Variants in DOCK1 observed in about 807,000 individuals in gnomAD.
DOCK1 encodes dedicator of cytokinesis protein 1.
Under a neutral mutation model 262.7 loss-of-function variants are expected in DOCK1, and 138 were observed. That is an observed-to-expected ratio of 0.53 (90% CI 0.46 to 0.61). The LOEUF (loss-of-function observed/expected upper bound fraction) is 0.61. Ranked by LOEUF, DOCK1 falls within the 20% of genes least tolerant of loss-of-function variation. The pLI is 0.00. For synonymous variants in DOCK1, 866 were observed against 867.4 expected (o/e 1.00, Z 0.03); for missense variants, 1,908 against 2,370.7 (o/e 0.80, Z 4.05).
intron 27 of DOCK1, among the ~76,000 whole-genome samples, chr10:127,196,770 T>TGCCGCCGGCG (rs1358522099): frequency 3.3e-5 from 5 of 151,434 alleles, no homozygotes; most frequent in Non-Finnish European, 7.4e-5. Context: ...TGCCGCCGGC[T>TGCCGCCGGCG]GCCGCCTGCG....
chr10:126,966,599 A>G (rs1182317730), intron 1 of DOCK1, among the ~76,000 whole-genome samples: 1 of 152,080 alleles, frequency 6.6e-6, no homozygotes, highest in African/African-American at 2.4e-5. Context: ...GGGTGAGATA[A>G]TACCTCATTG....
intron 29 of DOCK1, among the ~76,000 whole-genome samples, chr10:127,261,897 TG>T (rs2060156284): frequency 6.9e-6 from 1 of 144,600 alleles, no homozygotes; most frequent in Admixed American, 6.9e-5. Flanking sequence ...CATCTGTGTG[TG>T]TGCATGTGTG....
chr10:127,185,592 A>G (rs899026882), intron 27 of DOCK1, among the ~76,000 whole-genome samples: 24 of 152,314 alleles, frequency 1.6e-4, no homozygotes, highest in African/African-American at 5.8e-4. Flanking sequence ...TACAATATTA[A>G]TGGCTTCCAA....
At chr10:126,949,416 G>T (rs1312673243) in intron 1 of DOCK1, among the ~76,000 whole-genome samples, 1 of 152,134 alleles carries the variant, frequency 6.6e-6, no homozygotes, top group Admixed American at 6.5e-5. Flanking sequence ...GCCTTTGGCA[G>T]TGAACACACC....
intron 30 of DOCK1, among the ~76,000 whole-genome samples, chr10:127,342,925 T>C (rs2063495237): frequency 6.6e-6 from 1 of 152,172 alleles, no homozygotes; most frequent in Non-Finnish European, 1.5e-5. Flanking sequence ...TATTCTTAAG[T>C]GAGGAGCTTC....
chr10:127,450,006 T>C (rs1359160994), intron 51 of DOCK1, among the ~76,000 whole-genome samples: 1 of 152,200 alleles, frequency 6.6e-6, no homozygotes, highest in Non-Finnish European at 1.5e-5. Flanking sequence ...CTGCTCCTCA[T>C]TGGCCTATCA....
At chr10:127,043,471 C>T (rs761385765) in intron 21 of DOCK1, among the ~76,000 whole-genome samples, 7 of 152,156 alleles carry the variant, frequency 4.6e-5, no homozygotes, top group Admixed American at 1.3e-4. Context: ...TGTCTGACAC[C>T]GCGGCTTCCT....
chr10:127,036,412 C>A (rs554506023), intron 18 of DOCK1, among the ~76,000 whole-genome samples: 1 of 151,850 alleles, frequency 6.6e-6, no homozygotes, highest in African/African-American at 2.4e-5. Flanking sequence ...TAATGGATGT[C>A]TGTATTTCCT....
intron 27 of DOCK1, among the ~76,000 whole-genome samples, chr10:127,134,458 C>T (rs765840532): frequency 2.3e-4 from 35 of 152,142 alleles, no homozygotes; most frequent in Admixed American, 6.5e-4. Flanking sequence ...ATACTTTGAG[C>T]CCCTCCCCAT....
At chr10:127,216,810 T>C (rs1210237494) in intron 27 of DOCK1, among the ~76,000 whole-genome samples, 2 of 152,212 alleles carry the variant, frequency 1.3e-5, no homozygotes, top group African/African-American at 2.4e-5. Context: ...AAATTGCTGA[T>C]TTAATAAACT....
intron 18 of DOCK1, among the ~76,000 whole-genome samples, chr10:127,034,987 A>AG (rs755975831): frequency 9.3e-4 from 141 of 152,084 alleles, no homozygotes; most frequent in Non-Finnish European, 1.5e-3. Context: ...ACTGAGGGAG[A>AG]GGGCACCCTG....
In DOCK1 at chr10:126,999,453, T is replaced by C. The variant is rs2275540; in HGVS notation, c.849+18T>C. 0.21 allele frequency: 343,748 copies of C among 1,604,738 alleles called. 38,128 individuals are homozygous for C. The highest frequency in any genetic ancestry group is 0.34 in the East Asian group (15,181 of 44,792). ...TGTTTACTGTAAGTGCACCCAAAGA[T>C]GCTTAGTTGAATTGGCTACCATTCT... On this transcript the variant is annotated intron_variant, in intron 9 of 51. Transcript: ENST00000623213.
At chr10:127,106,405 A>G (rs2048533604) in intron 24 of DOCK1, 104 bp downstream of exon 24, 1 of 1,204,040 alleles carries the variant, frequency 8.3e-7, no homozygotes, top group Non-Finnish European at 1.2e-6. Context: ...ATGTCTCCAT[A>G]TGTCAGTGCC....
At chr10:126,905,910 C>T (rs1248749202) in intron 1 of DOCK1, among the ~76,000 whole-genome samples, 2 of 152,122 alleles carry the variant, frequency 1.3e-5, no homozygotes, top group African/African-American at 2.4e-5. Context: ...GCCCCGGCCG[C>T]TGCTATCTGC....
chr10:126,968,067 C>T (rs1267390415), intron 1 of DOCK1, among the ~76,000 whole-genome samples: 2 of 152,122 alleles, frequency 1.3e-5, no homozygotes, highest in African/African-American at 2.4e-5. Context: ...CTGCCTGCCT[C>T]AGCCTCCCAA....
chr10:127,017,364 C>CACAGATACAGACACAGACATACAT (rs923581845), intron 12 of DOCK1, among the ~76,000 whole-genome samples: 1 of 151,400 alleles, frequency 6.6e-6, no homozygotes, highest in Non-Finnish European at 1.5e-5. Flanking sequence ...TACACATAAG[C>CACAGATACAGACACAGACATACAT]ACAGATACAG....
intron 27 of DOCK1, among the ~76,000 whole-genome samples, chr10:127,145,207 C>T (rs2051689144): frequency 6.6e-6 from 1 of 152,054 alleles, no homozygotes; most frequent in South Asian, 2.1e-4. Context: ...GCACAGGGGT[C>T]AGAGAACCTG....
chr10:127,168,323 G>C (rs545837047), intron 27 of DOCK1, among the ~76,000 whole-genome samples: 1 of 152,354 alleles, frequency 6.6e-6, no homozygotes, highest in South Asian at 2.1e-4. Flanking sequence ...AAGAATATTA[G>C]AAAATGAAGT....
intron 27 of DOCK1, among the ~76,000 whole-genome samples, chr10:127,197,116 C>T (rs1366013400): frequency 2.0e-5 from 3 of 152,124 alleles, no homozygotes; most frequent in African/African-American, 7.2e-5. Flanking sequence ...AGCCTCTCTA[C>T]ATGGGGACAG....
Sources: gnomAD v4.1 joint callset for allele counts (sites outside exome capture counted in the v4.1 genomes callset) on GRCh38, gnomAD v4.1.1 for gene constraint, MANE v1.5 for transcripts, NCBI Gene and HGNC (gene_info 2026-07-23, HGNC 2026-07-21) for gene names.